ITFG1: variants seen among roughly 807,000 people sequenced by gnomAD.
ITFG1 encodes the protein integrin alpha FG-GAP repeat containing 1.
A neutral mutation model predicts 81.8 loss-of-function variants in ITFG1; 34 were observed. The observed-to-expected ratio is 0.42, with a 90% CI of 0.32 to 0.55. ITFG1 has a LOEUF of 0.55. Ranked by LOEUF, ITFG1 falls within the 20% of genes least tolerant of loss-of-function variation. The pLI, the probability that ITFG1 is intolerant of heterozygous loss-of-function variation, is 0.17. For synonymous variants in ITFG1, 285 were observed against 270.6 expected (o/e 1.05, Z -0.52); for missense variants, 672 against 755.4 (o/e 0.89, Z 1.29).
Position 47,162,524 on chromosome 16 carries a change from A to C in ITFG1, c.1578+16T>G. ...AAAACATAGATTAATTGTAAACAAAATGAATTTTTACTCACTTTTTCTCCA... is the reference window on the plus strand; with the variant it reads ...AAAACATAGATTAATTGTAAACAAACTGAATTTTTACTCACTTTTTCTCCA... On this transcript the variant is annotated intron_variant, in intron 15 of 17. Transcript: ENST00000320640. The C allele has an allele frequency of 6.3e-7, 1 of 1,581,392 alleles. No homozygotes were observed. Among genetic ancestry groups the C allele is most frequent in the Non-Finnish European group, 8.6e-7 (1 of 1,161,170 alleles).
chr16:47,380,261 C>T (rs1968379757), intron 6 of ITFG1, among the ~76,000 whole-genome samples: 1 of 152,132 alleles, frequency 6.6e-6, no homozygotes, highest in Non-Finnish European at 1.5e-5. Context: ...AACTCTGAGT[C>T]CTCAGATTCA....
chr16:47,302,950 T>C (rs1454424096), intron 10 of ITFG1, among the ~76,000 whole-genome samples: 3 of 152,170 alleles, frequency 2.0e-5, no homozygotes, highest in Non-Finnish European at 4.4e-5. Flanking sequence ...GTCTTGATAT[T>C]TAGATTTAGT....
intron 12 of ITFG1, among the ~76,000 whole-genome samples, chr16:47,243,507 G>A (rs939297679): frequency 1.3e-5 from 2 of 152,114 alleles, no homozygotes; most frequent in Non-Finnish European, 2.9e-5. Flanking sequence ...TGTTATTATT[G>A]ATTAACATTA....
At chr16:47,335,459 A>G (rs1967692324) in intron 8 of ITFG1, among the ~76,000 whole-genome samples, 1 of 152,206 alleles carries the variant, frequency 6.6e-6, no homozygotes, top group Admixed American at 6.5e-5. Flanking sequence ...AGTGGAGAAT[A>G]AAAGAATTGC....
chr16:47,205,839 T>G (rs1011449741), intron 14 of ITFG1, among the ~76,000 whole-genome samples: 3 of 106,912 alleles, frequency 2.8e-5, no homozygotes, highest in Admixed American at 9.5e-5. Context: ...TATCTATCTA[T>G]CTATCTATCT....
In ITFG1 at chr16:47,456,539, A is replaced by G. The variant is rs146523840; in HGVS notation, c.282-2381T>C. 7.4e-3 allele frequency among the ~76,000 whole-genome samples: 1,132 copies of G among 152,118 alleles called. 19 individuals carry two copies. Among genetic ancestry groups the G allele is most frequent in the African/African-American group, 0.026 (1,072 of 41,498 alleles). ...AACCCTGTCTCTACTAAAATACTAC[A>G]AAATTCGCTGGGCGTGGCGTTGTGC... On this transcript the variant is annotated intron_variant, in intron 2 of 17. Transcript: ENST00000320640.
chr16:47,341,821 A>C (rs1202373658), intron 8 of ITFG1, among the ~76,000 whole-genome samples: 1 of 152,212 alleles, frequency 6.6e-6, no homozygotes, highest in Non-Finnish European at 1.5e-5. Flanking sequence ...GATAACTCAG[A>C]TGAAATGAAC....
chr16:47,160,724 T>C (rs920435942), intron 16 of ITFG1, among the ~76,000 whole-genome samples: 1 of 152,186 alleles, frequency 6.6e-6, no homozygotes, highest in African/African-American at 2.4e-5. Context: ...TCTGCTGGTA[T>C]GCTGGTAAAC....
At chr16:47,457,635 A>T (rs894091215) in intron 2 of ITFG1, among the ~76,000 whole-genome samples, 2 of 152,178 alleles carry the variant, frequency 1.3e-5, no homozygotes, top group African/African-American at 4.8e-5. Flanking sequence ...AAGAATAGTT[A>T]TTTTTACTTT....
chr16:47,260,436 T>C, intron 11 of ITFG1, 109 bp downstream of exon 11: 1 of 1,166,190 alleles, frequency 8.6e-7, no homozygotes, highest in Non-Finnish European at 1.2e-6. Flanking sequence ...ATTAACTCAT[T>C]TGCTTTTTGT....
At chr16:47,271,873 A>G (rs1172832143) in intron 10 of ITFG1, among the ~76,000 whole-genome samples, 1 of 152,084 alleles carries the variant, frequency 6.6e-6, no homozygotes, top group Admixed American at 6.5e-5. Context: ...ACAAACAAAC[A>G]ACAAAAACCA....
In ITFG1 at chr16:47,393,158, A is replaced by G. The variant is rs151168185; in HGVS notation, c.656-17218T>C. ...GTAGCACTGCCATTTTAGGGCAACT[A>G]GAACTTAGATGCTTAGGAAGAGATA... is the stretch of plus-strand genomic sequence containing the variant. On this transcript the variant is annotated intron_variant, in intron 6 of 17. Transcript: ENST00000320640. 7.5e-3 allele frequency among the ~76,000 whole-genome samples: 1,143 copies of G among 152,348 alleles called. 19 individuals carry two copies. The highest frequency in any genetic ancestry group is 0.026 in the African/African-American group (1,083 of 41,586).
At chr16:47,200,795 G>A (rs970267424) in intron 14 of ITFG1, among the ~76,000 whole-genome samples, 1 of 152,120 alleles carries the variant, frequency 6.6e-6, no homozygotes, top group Admixed American at 6.5e-5. Flanking sequence ...AAACTTTGGT[G>A]GTGGGGCCTG....
Position 47,221,083 on chromosome 16 carries a change from G to T in ITFG1, c.1375-2137C>A, listed in dbSNP as rs74019133. ...AAGAGCCTACCAGGTACTGGAGGGGGCAGAACAGGTTTAGAGCTCCCCAAA... is the reference window on the plus strand; with the variant it reads ...AAGAGCCTACCAGGTACTGGAGGGGTCAGAACAGGTTTAGAGCTCCCCAAA... On this transcript the variant is annotated intron_variant, in intron 13 of 17. Coordinates refer to ENST00000320640, the MANE Select transcript of ITFG1 (RefSeq NM_030790.5). Among the ~76,000 whole-genome samples the T allele has an allele frequency of 7.2e-3, 1,092 of 152,204 alleles. 12 individuals are homozygous for T. The highest frequency in any genetic ancestry group is 0.024 in the African/African-American group (1,016 of 41,532).
intron 12 of ITFG1, among the ~76,000 whole-genome samples, chr16:47,253,460 C>T (rs1966101736): frequency 6.6e-6 from 1 of 152,152 alleles, no homozygotes; most frequent in South Asian, 2.1e-4. Context: ...GATGTAAAGG[C>T]TACATTTTCC....
chr16:47,384,815 C>T (rs1424401074), intron 6 of ITFG1, among the ~76,000 whole-genome samples: 3 of 152,198 alleles, frequency 2.0e-5, no homozygotes, highest in Non-Finnish European at 4.4e-5. Context: ...TGGTGGCTCA[C>T]ACCTGTAATC....
intron 14 of ITFG1, among the ~76,000 whole-genome samples, chr16:47,188,563 T>A (rs1965253841): frequency 7.5e-6 from 1 of 133,268 alleles, no homozygotes; most frequent in Non-Finnish European, 1.5e-5. Context: ...AATTGAACAA[T>A]GAGAACACAT....
At chr16:47,286,149 G>C (rs554324254) in intron 10 of ITFG1, among the ~76,000 whole-genome samples, 2 of 152,240 alleles carry the variant, frequency 1.3e-5, no homozygotes, top group South Asian at 4.2e-4. Flanking sequence ...ACTCTACATA[G>C]GTAGAGGGAG....
chr16:47,325,399 A>T (rs1308462501), intron 8 of ITFG1, among the ~76,000 whole-genome samples: 1 of 152,220 alleles, frequency 6.6e-6, no homozygotes, highest in Admixed American at 6.5e-5. Flanking sequence ...ACACCCTAAC[A>T]TCACAATTAA....
Sources: gnomAD v4.1 joint callset for allele counts (sites outside exome capture counted in the v4.1 genomes callset) on GRCh38, gnomAD v4.1.1 for gene constraint, MANE v1.5 for transcripts, NCBI Gene and HGNC (gene_info 2026-07-23, HGNC 2026-07-21) for gene names.